IRAK1BP1: variants seen among roughly 807,000 people sequenced by gnomAD.
The protein encoded by IRAK1BP1 is interleukin-1 receptor-associated kinase 1-binding protein 1.
Under a neutral mutation model 28.0 loss-of-function variants are expected in IRAK1BP1, and 24 were observed. The observed-to-expected ratio is 0.86, with a 90% CI of 0.62 to 1.20. IRAK1BP1 has a LOEUF of 1.20. Among genes scored for constraint, IRAK1BP1 ranks in the 50% most tolerant of loss-of-function variants. The probability of loss-of-function intolerance (pLI) is 0.00; values close to 1 mark genes in which losing one functional copy is unlikely to be tolerated. For synonymous variants in IRAK1BP1, 131 were observed against 116.3 expected, an observed-to-expected ratio of 1.13 and a Z score of -0.81; for missense variants, 336 against 316.7, an observed-to-expected ratio of 1.06 and a Z score of -0.46.
chr6:78,886,965 A>G (rs1045021495), intron 2 of IRAK1BP1, among the ~76,000 whole-genome samples: 2 of 152,198 alleles, frequency 1.3e-5, no homozygotes, highest in South Asian at 4.1e-4. Flanking sequence ...AGTCCAATAC[A>G]TGATTGCCTT....
intron 1 of IRAK1BP1, among the ~76,000 whole-genome samples, chr6:78,878,609 C>T (rs1007493251): frequency 5.9e-5 from 9 of 152,206 alleles, no homozygotes; most frequent in Non-Finnish European, 1.3e-4. Context: ...AGGAATGCAG[C>T]TCCTCGCCAG....
rs189666079 is a variant in IRAK1BP1, at chr6:78,870,003, T to C, written c.315+2112T>C. The stretch of plus-strand genomic sequence containing the variant: ...GCATGCCTGTAATCCCAGTTACTTG[T>C]GAGGCTGAGGCAGGAGAATTGCTTG... On this transcript the variant is annotated intron_variant, in intron 1 of 3. Coordinates refer to ENST00000369940, the MANE Select transcript of IRAK1BP1 (RefSeq NM_001010844.4). 6.5e-4 allele frequency among the ~76,000 whole-genome samples: 98 copies of C among 150,020 alleles called. 1 individual carries two copies. The South Asian group carries it at 8.2e-3, about 13-fold the overall frequency.
chr6:78,956,115 A>G, the IRAK1BP1 span: 1 of 152,386 alleles, frequency 6.6e-6, no homozygotes, highest in African/African-American at 2.4e-5. Context: ...AAATTCCTGC[A>G]ATTTGTCCTA....
intron 4 of IRAK1BP1, among the ~76,000 whole-genome samples, chr6:78,943,684 G>A (rs1442550315): frequency 6.6e-6 from 1 of 152,062 alleles, no homozygotes; most frequent in African/African-American, 2.4e-5. Flanking sequence ...GGTTTTCTGG[G>A]ACATAAAGAT....
At chr6:78,974,412 C>A in the IRAK1BP1 span, among the ~76,000 whole-genome samples, 2 of 151,676 alleles carry the variant, frequency 1.3e-5, no homozygotes, top group Non-Finnish European at 2.9e-5. Flanking sequence ...TAAATGCCCA[C>A]AAGAGTAAGC....
At chr6:78,921,458 C>T (rs950309112) in intron 4 of IRAK1BP1, among the ~76,000 whole-genome samples, 2 of 152,220 alleles carry the variant, frequency 1.3e-5, no homozygotes, top group Non-Finnish European at 2.9e-5. Context: ...CACGGCAGCT[C>T]AAGGAGGCCT....
chr6:78,949,090 T>TGTC (rs2127684983), downstream of IRAK1BP1, among the ~76,000 whole-genome samples: 1 of 152,346 alleles, frequency 6.6e-6, no homozygotes, highest in Non-Finnish European at 1.5e-5. Flanking sequence ...GCACTCAGTC[T>TGTC]GTCACCAGTA....
chr6:78,951,646 T>G, the IRAK1BP1 span, among the ~76,000 whole-genome samples: 1 of 152,242 alleles, frequency 6.6e-6, no homozygotes, highest in East Asian at 1.9e-4. Flanking sequence ...TACTTTTTGT[T>G]GCCTAACACG....
Position 78,899,366 on chromosome 6 carries a change from A to G in IRAK1BP1, c.*1032A>G, listed in dbSNP as rs867052917. ...CCATTTTGGTAAGATGCAGATAACA[A>G]CCCCAACCTTAACAACTTCACAACA... On this transcript the variant is annotated 3_prime_UTR_variant, in exon 4 of 4. Transcript: ENST00000369940. The G allele has an allele frequency of 1.3e-5, 2 of 152,168 alleles. No individual in the cohort carries two copies. The highest frequency in any genetic ancestry group is 2.9e-5 in the Non-Finnish European group (2 of 68,036). 9.4% of individuals were successfully genotyped at this position (152,168 alleles called of 1,614,324 possible).
At chr6:78,973,947 G>A in the IRAK1BP1 span, among the ~76,000 whole-genome samples, 2 of 151,582 alleles carry the variant, frequency 1.3e-5, no homozygotes, top group East Asian at 1.9e-4. Flanking sequence ...ACACCCCACT[G>A]TCAACATTAG....
chr6:78,951,434 T>C (rs138130895), downstream of IRAK1BP1, among the ~76,000 whole-genome samples: 97 of 152,274 alleles, frequency 6.4e-4, 1 homozygote, highest in South Asian at 8.1e-3. Context: ...TGTGAACCAA[T>C]ATTTTCATAT....
intron 2 of IRAK1BP1, among the ~76,000 whole-genome samples, chr6:78,891,535 C>T (rs1224230016): frequency 4.6e-5 from 7 of 151,096 alleles, no homozygotes; most frequent in Admixed American, 2.0e-4. Flanking sequence ...GATCTTGGCT[C>T]ACTGCAACCT....
At chr6:78,871,414 A>G (rs1185990954) in intron 1 of IRAK1BP1, 2 of 985,408 alleles carry the variant, frequency 2.0e-6, no homozygotes, top group East Asian at 1.1e-4. Context: ...CAGTGCAACC[A>G]AAAGACAGAC....
the IRAK1BP1 span, among the ~76,000 whole-genome samples, chr6:78,972,422 TG>T: frequency 6.6e-6 from 1 of 151,876 alleles, no homozygotes; most frequent in Non-Finnish European, 1.5e-5. Flanking sequence ...ACCACAAAGA[TG>T]GGGAAAAAAC....
chr6:78,874,395 GT>G (rs1335820172), intron 1 of IRAK1BP1, among the ~76,000 whole-genome samples: 1 of 152,036 alleles, frequency 6.6e-6, no homozygotes, highest in Non-Finnish European at 1.5e-5. Flanking sequence ...TGTATTTCTT[GT>G]TTTACCTACT....
In IRAK1BP1 at chr6:78,887,448, G is replaced by A. The variant is rs188244913; in HGVS notation, c.381+2005G>A. 1.8e-4 allele frequency among the ~76,000 whole-genome samples: 27 copies of A among 152,120 alleles called. No individual in the cohort carries two copies. The East Asian group carries it at 4.4e-3, about 25-fold the overall frequency. ...TGGGAGGTCGAGGTGGGCGGATCAC[G>A]AGGTCAGGAGTTCAAGACCAGCCTG... On this transcript the variant is annotated intron_variant, in intron 2 of 3. Transcript: ENST00000369940.
chr6:78,879,874 G>C (rs905837280), intron 1 of IRAK1BP1, among the ~76,000 whole-genome samples: 7 of 152,228 alleles, frequency 4.6e-5, no homozygotes, highest in African/African-American at 1.7e-4. Flanking sequence ...TACAGATATA[G>C]TAGTGAGGTT....
At chr6:78,876,183 G>A in intron 1 of IRAK1BP1, among the ~76,000 whole-genome samples, 1 of 152,102 alleles carries the variant, frequency 6.6e-6, no homozygotes, top group Non-Finnish European at 1.5e-5. Flanking sequence ...GTTCTCATGA[G>A]AGCTGATGCT....
intron 4 of IRAK1BP1, among the ~76,000 whole-genome samples, chr6:78,917,600 G>A (rs1326418653): frequency 1.5e-5 from 2 of 134,558 alleles, no homozygotes; most frequent in Middle Eastern, 4.5e-3. Flanking sequence ...CATTGCCAAG[G>A]CATATAGTCA....
Sources: gnomAD v4.1 joint callset for allele counts (sites outside exome capture counted in the v4.1 genomes callset) on GRCh38, gnomAD v4.1.1 for gene constraint, MANE v1.5 for transcripts, NCBI Gene and HGNC (gene_info 2026-07-23, HGNC 2026-07-21) for gene names.